TSHZ2: variants seen among roughly 807,000 people sequenced by gnomAD.
TSHZ2 encodes teashirt zinc finger homeobox 2, also known as teashirt homolog 2.
A neutral mutation model predicts 74.4 loss-of-function variants in TSHZ2; 21 were observed. The observed-to-expected ratio is 0.28, with a 90% confidence interval of 0.20 to 0.41. The LOEUF (loss-of-function observed/expected upper bound fraction) is 0.41. TSHZ2 is among the 10% of genes least tolerant of loss of function. The probability of loss-of-function intolerance (pLI) is 1.00; values close to 1 mark genes in which losing one functional copy is unlikely to be tolerated. For synonymous variants in TSHZ2, 540 were observed against 515.3 expected (o/e 1.05, Z -0.65); for missense variants, 1,244 against 1,293.5 (o/e 0.96, Z 0.59).
chr20:53,326,816 C>A (rs548646410), intron 2 of TSHZ2, among the ~76,000 whole-genome samples: 1 of 152,336 alleles, frequency 6.6e-6, no homozygotes, highest in East Asian at 1.9e-4. Flanking sequence ...CCTCTGTTCA[C>A]AATTTTAGTA....
At position 53,216,986 on chromosome 20, in the gene TSHZ2, C is replaced by G. The variant is rs138627254; in HGVS notation, c.41-36513C>G. ...GCCCATCCCCAGTTTCCAAAGAGGC[C>G]GTGTCTTTCTGTTCCTGAGCGGGCC... On this transcript the variant is annotated intron_variant, in intron 1 of 2. Coordinates refer to ENST00000371497, the MANE Select transcript of TSHZ2 (RefSeq NM_173485.6). 2.6e-3 allele frequency among the ~76,000 whole-genome samples: 396 copies of G among 152,228 alleles called. 2 individuals are homozygous for G. Among genetic ancestry groups the G allele is most frequent in the African/African-American group, 9.1e-3 (378 of 41,520 alleles).
intron 1 of TSHZ2, among the ~76,000 whole-genome samples, chr20:53,050,351 C>CT (rs1984416818): frequency 6.6e-6 from 1 of 151,938 alleles, no homozygotes; most frequent in Non-Finnish European, 1.5e-5. Flanking sequence ...GATACCTTCC[C>CT]TTTTCAATGA....
intron 1 of TSHZ2, among the ~76,000 whole-genome samples, chr20:53,124,923 A>G (rs1489191106): frequency 4.6e-5 from 7 of 152,226 alleles, no homozygotes; most frequent in African/African-American, 4.8e-5. Context: ...AGACCATGCA[A>G]CAACCACTCA....
At chr20:53,174,299 G>T (rs1182066316) in intron 1 of TSHZ2, among the ~76,000 whole-genome samples, 2 of 152,134 alleles carry the variant, frequency 1.3e-5, no homozygotes, top group African/African-American at 4.8e-5. Context: ...AGTAGAAAAA[G>T]AAAAAGGAAA....
intron 1 of TSHZ2, among the ~76,000 whole-genome samples, chr20:53,057,234 G>A (rs1984669000): frequency 6.6e-6 from 1 of 152,102 alleles, no homozygotes; most frequent in Non-Finnish European, 1.5e-5. Flanking sequence ...TTTCTTCATA[G>A]CAGTATGAAA....
intron 2 of TSHZ2, among the ~76,000 whole-genome samples, chr20:53,312,049 C>G (rs1978814220): frequency 6.6e-6 from 1 of 152,084 alleles, no homozygotes; most frequent in Middle Eastern, 3.2e-3. Flanking sequence ...CCACTGCACT[C>G]TAGCCTGGGT....
intron 1 of TSHZ2, among the ~76,000 whole-genome samples, chr20:52,998,330 G>A (rs991019924): frequency 4.6e-5 from 7 of 152,108 alleles, no homozygotes; most frequent in African/African-American, 1.7e-4. Flanking sequence ...CACCACACCT[G>A]GCTGATTTTT....
chr20:53,453,552 G>C (rs763911492), intron 2 of TSHZ2, among the ~76,000 whole-genome samples: 17 of 152,178 alleles, frequency 1.1e-4, no homozygotes, highest in Non-Finnish European at 1.6e-4. Context: ...ATTGTGTGTG[G>C]AGTGGAAGCA....
At chr20:53,130,433 T>C (rs1987071627) in intron 1 of TSHZ2, among the ~76,000 whole-genome samples, 2 of 152,088 alleles carry the variant, frequency 1.3e-5, no homozygotes, top group African/African-American at 4.8e-5. Context: ...AAGACAAGCC[T>C]GGCCAATGCA....
chr20:53,068,306 C>T (rs1021201055), intron 1 of TSHZ2, among the ~76,000 whole-genome samples: 6 of 152,084 alleles, frequency 3.9e-5, no homozygotes, highest in Admixed American at 3.9e-4. Context: ...CTATGGATCC[C>T]GAGTCCTGCT....
In TSHZ2 at chr20:53,255,536, A is replaced by G; in HGVS notation, c.2078A>G (p.Asn693Ser). ...CACGCCCCGGCCCTGCCATGCATCAACCCACTCAGCGCCCTGCAGTCCGTC... is the reference window on the plus strand; with the variant it reads ...CACGCCCCGGCCCTGCCATGCATCAGCCCACTCAGCGCCCTGCAGTCCGTC... ...ANHAPALPCI[N>S]PLSALQSVLN... The change falls in exon 2 of 3, where the codon AAC (asparagine) becomes AGC (serine). Residue 693 changes from asparagine to serine, a missense_variant. Physicochemically the swap from Asn to Ser is conservative, Grantham distance 46. Around this residue, in one of 6 missense-constraint regions of TSHZ2, gnomAD observed 562 missense variants for 544.0 expected, o/e 1.03. Coordinates refer to ENST00000371497, the MANE Select transcript of TSHZ2 (RefSeq NM_173485.6). This position sits in a 1 kb window ranked among gnomAD's most constrained non-coding sequence, Gnocchi z 4.1. 1 of 1,586,118 alleles carries G rather than the reference A, an allele frequency of 6.3e-7. No homozygotes were observed. Among genetic ancestry groups the G allele is most frequent in the Non-Finnish European group, 8.6e-7 (1 of 1,168,078 alleles).
At chr20:53,253,454 A>T in intron 1 of TSHZ2, 45 bp from the exon 2 acceptor site, 5 of 1,542,664 alleles carry the variant, frequency 3.2e-6, no homozygotes, top group Non-Finnish European at 4.4e-6. Flanking sequence ...GGAATGGAAT[A>T]TGGAGCCTGT....
intron 1 of TSHZ2, among the ~76,000 whole-genome samples, chr20:53,175,268 G>A (rs548923024): frequency 6.7e-6 from 1 of 150,010 alleles, no homozygotes; most frequent in East Asian, 2.1e-4. Context: ...AGCCTCCCGA[G>A]TAGCTGGAAT....
Position 53,204,284 on chromosome 20 carries a change from A to T in TSHZ2, c.41-49215A>T, listed in dbSNP as rs568425131. ...ATATGATACTATATCATCATATAAC[A>T]TGATGATATGATACTATATCATCAT... On this transcript the variant is annotated intron_variant, in intron 1 of 2. Coordinates refer to ENST00000371497, the MANE Select transcript of TSHZ2 (RefSeq NM_173485.6). Among the ~76,000 whole-genome samples, 3 of 97,522 alleles carry T rather than the reference A, an allele frequency of 3.1e-5. No individual in the cohort carries two copies. The East Asian group carries it at 8.1e-4, about 26-fold the overall frequency. The allele number at this position is 97,522 out of a possible 152,430, so 64.0% of individuals were successfully genotyped here.
At chr20:53,196,279 AT>A (rs1458039585) in intron 1 of TSHZ2, 1 of 147,376 alleles carries the variant, frequency 6.8e-6, no homozygotes, top group African/African-American at 2.5e-5. Context: ...CCTTCTCAAT[AT>A]TGTCTGTCCC....
rs1256803042 is a variant in TSHZ2 at position 53,492,661 on chromosome 20, C to A, written c.*5526C>A. ...TCAAGAAGCTAGGTGATCATACAGT[C>A]ATTTCAATGGCCAACCAGTTCTTGC... is the stretch of plus-strand genomic sequence containing the variant. On this transcript the variant is annotated 3_prime_UTR_variant, in exon 3 of 3. Coordinates refer to ENST00000371497, the MANE Select transcript of TSHZ2 (RefSeq NM_173485.6). The A allele has an allele frequency of 6.6e-6, 1 of 152,204 alleles. No homozygotes were observed. Among genetic ancestry groups the A allele is most frequent in the Non-Finnish European group, 1.5e-5 (1 of 68,040 alleles). 9.4% of individuals were successfully genotyped at this position (152,204 alleles called of 1,614,324 possible).
intron 2 of TSHZ2, among the ~76,000 whole-genome samples, chr20:53,296,870 G>A (rs745989031): frequency 2.0e-5 from 3 of 152,208 alleles, no homozygotes; most frequent in Admixed American, 6.5e-5. Context: ...GTCTAGGGAC[G>A]CCATCACAAA....
chr20:53,488,995 T>C lies in TSHZ2; in HGVS notation c.*1860T>C, dbSNP rs1236926426. The C allele has an allele frequency of 2.2e-6, 1 of 456,204 alleles. No individual in the cohort carries two copies. Among genetic ancestry groups the C allele is most frequent in the Non-Finnish European group, 4.4e-6 (1 of 226,962 alleles). The allele number at this position is 456,204 out of a possible 1,614,324, so 28.3% of individuals were successfully genotyped here. On this transcript the variant is annotated 3_prime_UTR_variant, in exon 3 of 3. Coordinates refer to ENST00000371497, the MANE Select transcript of TSHZ2 (RefSeq NM_173485.6). ...AAAAGTAAATGAAGTTCCAGGAATGTCATTCTGAAGTAATGAGGCATGGAC... is the reference window on the plus strand; with the variant it reads ...AAAAGTAAATGAAGTTCCAGGAATGCCATTCTGAAGTAATGAGGCATGGAC...
intron 1 of TSHZ2, among the ~76,000 whole-genome samples, chr20:53,002,225 A>G (rs1982468479): frequency 5.9e-5 from 9 of 152,204 alleles, no homozygotes; most frequent in Admixed American, 5.9e-4. Context: ...CAGTGAAGTC[A>G]GGTGACTCGG....
Sources: allele counts gnomAD v4.1 joint callset (sites outside exome capture counted in the v4.1 genomes callset), GRCh38; gene constraint gnomAD v4.1.1; regional missense constraint gnomAD v4.1.1; non-coding constraint Gnocchi (gnomAD v3.1); transcripts MANE v1.5; gene names NCBI Gene and HGNC (gene_info 2026-07-23, HGNC 2026-07-21).